ERC2: variants seen among roughly 807,000 people sequenced by gnomAD.
ERC2 encodes the protein ERC protein 2.
ERC2 carries 42 observed loss-of-function variants against 114.8 expected under a neutral mutation model. The observed-to-expected ratio is 0.37, with a 90% CI of 0.29 to 0.47. ERC2 has a LOEUF of 0.47. Among genes scored for constraint, ERC2 ranks in the 20% least tolerant of loss-of-function variants. The probability of loss-of-function intolerance (pLI) is 0.99; values close to 1 mark genes in which losing one functional copy is unlikely to be tolerated. For missense variants in ERC2, 939 were observed against 1,150.7 expected, an observed-to-expected ratio of 0.82 and a Z score of 2.66; for synonymous variants, 454 against 425.5, an observed-to-expected ratio of 1.07 and a Z score of -0.82.
At chr3:56,179,735 T>C (rs1457832247) in intron 3 of ERC2, among the ~76,000 whole-genome samples, 1 of 149,042 alleles carries the variant, frequency 6.7e-6, no homozygotes, top group Non-Finnish European at 1.5e-5. Context: ...ACAGGGAAGA[T>C]TGGGAAGGAA....
intron 12 of ERC2, among the ~76,000 whole-genome samples, chr3:55,952,176 C>T (rs1559922718): frequency 0.014 from 625 of 44,760 alleles, 31 homozygotes; most frequent in Middle Eastern, 0.029. Flanking sequence ...CACACACACA[C>T]ACACTCTCTC....
chr3:55,589,574 C>T (rs2057771904), intron 17 of ERC2, among the ~76,000 whole-genome samples: 1 of 152,252 alleles, frequency 6.6e-6, no homozygotes, highest in African/African-American at 2.4e-5. Context: ...AAACCACCAC[C>T]ACCTGAGGCC....
chr3:56,314,986 T>C (rs937232013), intron 2 of ERC2, among the ~76,000 whole-genome samples: 9 of 152,316 alleles, frequency 5.9e-5, no homozygotes, highest in South Asian at 2.1e-4. Context: ...GTGCAACAGC[T>C]GCCACGAGCC....
intron 14 of ERC2, among the ~76,000 whole-genome samples, chr3:55,757,624 T>A (rs1352754060): frequency 3.9e-5 from 6 of 152,126 alleles, no homozygotes; most frequent in African/African-American, 1.4e-4. Context: ...GAGAAATCAA[T>A]GAGATACTAT....
chr3:56,179,445 T>C (rs1172318164), intron 3 of ERC2, among the ~76,000 whole-genome samples: 2 of 152,158 alleles, frequency 1.3e-5, no homozygotes, highest in African/African-American at 2.4e-5. Flanking sequence ...AAAGGATTAC[T>C]CCCAATGTTG....
At chr3:55,528,621 C>A (rs2053482273) in intron 17 of ERC2, among the ~76,000 whole-genome samples, 1 of 152,176 alleles carries the variant, frequency 6.6e-6, no homozygotes, top group Admixed American at 6.5e-5. Context: ...CTTTGTTCAA[C>A]AGATATTTCT....
At chr3:55,673,370 G>C (rs532178846) in intron 17 of ERC2, among the ~76,000 whole-genome samples, 1 of 152,278 alleles carries the variant, frequency 6.6e-6, no homozygotes, top group African/African-American at 2.4e-5. Context: ...AGATCACGAG[G>C]TCGAGAGATT....
In ERC2 at chr3:55,904,051, G is replaced by A. The variant is rs190522101; in HGVS notation, c.2404-15502C>T. On this transcript the variant is annotated intron_variant, in intron 13 of 17. Coordinates refer to ENST00000288221, the MANE Select transcript of ERC2 (RefSeq NM_015576.3). Reference sequence around the variant, plus strand: ...TGAGATTAATCCATAATCCTGTTTCGTGTTTAAAAATTCAGGTTCTAAAAG... The same window carrying A: ...TGAGATTAATCCATAATCCTGTTTCATGTTTAAAAATTCAGGTTCTAAAAG... Among the ~76,000 whole-genome samples, 5 of 152,258 alleles carry A rather than the reference G, an allele frequency of 3.3e-5. No homozygotes were observed. In the East Asian group the frequency reaches 9.6e-4, roughly 29 times the overall value.
chr3:56,456,995 G>A (rs952314902), intron 1 of ERC2, among the ~76,000 whole-genome samples: 1 of 152,204 alleles, frequency 6.6e-6, no homozygotes, highest in African/African-American at 2.4e-5. Flanking sequence ...ACGGGATATT[G>A]AATAGTGTTC....
In ERC2 at chr3:56,173,454, C is replaced by T. The variant is rs571267313; in HGVS notation, c.1141G>A (p.Glu381Lys). Residue 381 changes from glutamate (E) to lysine (K), a missense_variant, in exon 4 of 18, where the codon GAA becomes AAA. Physicochemically the swap from Glu to Lys is moderately conservative, Grantham distance 56. This residue lies in a region of ERC2 where 148 missense variants were observed against 159.1 expected (regional missense o/e 0.93). Transcript: ENST00000288221. ...AKTKALQTVI[E>K]MKDTKIASLE... ...AAGTGCACAGTTCCTACCTTCATTT[C>T]GATGACAGTCTGGAGAGCCTTCGTC... is the stretch of plus-strand genomic sequence containing the variant. The T allele has an allele frequency of 1.9e-6, 3 of 1,613,886 alleles. No homozygotes were observed. The highest frequency in any genetic ancestry group is 2.2e-5 in the East Asian group (1 of 44,868).
chr3:56,060,586 G>A (rs1429540171), intron 7 of ERC2, among the ~76,000 whole-genome samples: 1 of 152,180 alleles, frequency 6.6e-6, no homozygotes, highest in East Asian at 1.9e-4. Context: ...GCTTCATAAA[G>A]GCTAATGACG....
intron 3 of ERC2, among the ~76,000 whole-genome samples, chr3:56,253,684 A>G (rs1187092599): frequency 2.0e-5 from 3 of 152,190 alleles, no homozygotes; most frequent in Non-Finnish European, 4.4e-5. Context: ...GGCTCTGGAA[A>G]TGCTCATTTG....
intron 13 of ERC2, among the ~76,000 whole-genome samples, chr3:55,944,336 G>C (rs1277659331): frequency 6.6e-6 from 1 of 152,176 alleles, no homozygotes; most frequent in Admixed American, 6.5e-5. Flanking sequence ...TGTCTTCAGG[G>C]GGTAATTTAG....
chr3:56,198,872 C>T (rs978044871), intron 3 of ERC2, among the ~76,000 whole-genome samples: 3 of 152,186 alleles, frequency 2.0e-5, no homozygotes, highest in Admixed American at 2.0e-4. Flanking sequence ...ACCACAACAA[C>T]TCCCAACCTT....
rs141660466 is a variant in ERC2, at chr3:56,011,199, T to C, written c.1780-610A>G. Among the ~76,000 whole-genome samples, 704 of 152,322 alleles carry C rather than the reference T, an allele frequency of 4.6e-3. 8 individuals carry two copies. The highest frequency in any genetic ancestry group is 0.023 in the South Asian group (113 of 4,828). On this transcript the variant is annotated intron_variant, in intron 8 of 17. Transcript: ENST00000288221. ...GTTTACTTCTGTGTTTTTTCAGTGG[T>C]TTCTTGATAGTCAGCAGAGAATCCA...
At chr3:55,586,178 A>C (rs900189662) in intron 17 of ERC2, among the ~76,000 whole-genome samples, 7 of 152,042 alleles carry the variant, frequency 4.6e-5, no homozygotes, top group Non-Finnish European at 1.0e-4. Flanking sequence ...AGGGTTGGGG[A>C]AAGGACCACG....
chr3:55,890,232 T>C (rs947024493), intron 13 of ERC2, among the ~76,000 whole-genome samples: 10 of 152,200 alleles, frequency 6.6e-5, no homozygotes, highest in Admixed American at 6.5e-4. Flanking sequence ...AAGCGGAGTT[T>C]TGAGTTTTCC....
At chr3:56,110,536 T>C (rs556476557) in intron 6 of ERC2, among the ~76,000 whole-genome samples, 1 of 152,266 alleles carries the variant, frequency 6.6e-6, no homozygotes, top group Admixed American at 6.5e-5. Context: ...GGCTATATTA[T>C]AAATGCAACT....
At position 56,333,257 on chromosome 3, in the gene ERC2, C is replaced by A. The variant is rs991459873; in HGVS notation, c.658-36822G>T. Among the ~76,000 whole-genome samples the A allele has an allele frequency of 3.3e-5, 5 of 152,330 alleles. No homozygotes were observed. In the South Asian group the frequency reaches 6.2e-4, roughly 19 times the overall value. On this transcript the variant is annotated intron_variant, in intron 2 of 17. Transcript: ENST00000288221. ...TGGATGAAGAACCTTAAATATGTGT[C>A]TTCCTTTTGATCTCACAAGTCCACT...
Sources: allele counts gnomAD v4.1 joint callset (sites outside exome capture counted in the v4.1 genomes callset), GRCh38; gene constraint gnomAD v4.1.1; regional missense constraint gnomAD v4.1.1; transcripts MANE v1.5; gene names NCBI Gene and HGNC (gene_info 2026-07-23, HGNC 2026-07-21).